Variants in HIVEP3 observed in about 807,000 individuals in gnomAD.
HIVEP3 encodes transcription factor HIVEP3.
A neutral mutation model predicts 152.8 loss-of-function variants in HIVEP3; 49 were observed. The observed-to-expected ratio is 0.32, with a 90% CI of 0.26 to 0.41. The LOEUF is 0.41. Among genes scored for constraint, HIVEP3 ranks in the 10% least tolerant of loss-of-function variants. The pLI is 1.00. For missense variants in HIVEP3, 2,790 were observed against 3,103.3 expected, an observed-to-expected ratio of 0.90 and a Z score of 2.40; for synonymous variants, 1,269 against 1,289.0, an observed-to-expected ratio of 0.98 and a Z score of 0.33.
Position 41,583,202 on chromosome 1 carries a change from G to A in HIVEP3, c.1596C>T (p.Ala532=), listed in dbSNP as rs201377701. The change falls in exon 4 of 9, where the codon GCC becomes GCT. Residue 532 remains alanine, a synonymous_variant. Transcript: ENST00000372583. This position sits in a 1 kb window ranked among gnomAD's most constrained non-coding sequence, Gnocchi z 6.9. The part of the protein sequence containing the change: ...LLSLQHPPST[A]PPVPLLRSHS... ...GGCTTCTCAGGAGAGGCACAGGGGG[G>A]GCGGTACTGGGCGGGTGCTGGAGGC... 121 of 1,610,602 alleles carry A rather than the reference G, an allele frequency of 7.5e-5. No individual in the cohort carries two copies. The highest frequency in any genetic ancestry group is 7.7e-5 in the Non-Finnish European group (91 of 1,178,424).
chr1:41,825,697 C>T (rs1250871197), intron 1 of HIVEP3, among the ~76,000 whole-genome samples: 3 of 152,000 alleles, frequency 2.0e-5, no homozygotes, highest in Non-Finnish European at 2.9e-5. Context: ...CCTTGACCAC[C>T]CCAGACTCAG....
chr1:41,920,029 C>A (rs1278154216), upstream of HIVEP3, among the ~76,000 whole-genome samples: 1 of 152,204 alleles, frequency 6.6e-6, no homozygotes, highest in Non-Finnish European at 1.5e-5. Flanking sequence ...CTTGCCTAGT[C>A]CTGCCAGGCA....
chr1:41,822,435 G>T (rs1016987410), intron 1 of HIVEP3, among the ~76,000 whole-genome samples: 8 of 152,192 alleles, frequency 5.3e-5, no homozygotes, highest in African/African-American at 1.7e-4. Context: ...ATGGATGGGG[G>T]AACTGTTGAC....
chr1:41,601,163 A>G (rs1364985649), intron 3 of HIVEP3, among the ~76,000 whole-genome samples: 3 of 152,084 alleles, frequency 2.0e-5, no homozygotes, highest in Admixed American at 6.5e-5. Context: ...GTAATTTTTT[A>G]TGCTTTGAAA....
chr1:41,738,959 C>T (rs1474465229), intron 1 of HIVEP3, among the ~76,000 whole-genome samples: 4 of 152,256 alleles, frequency 2.6e-5, no homozygotes, highest in African/African-American at 9.6e-5. Context: ...TAGACCACAA[C>T]ATTTCACGTA....
chr1:41,708,010 A>T (rs543682122), intron 1 of HIVEP3, among the ~76,000 whole-genome samples: 1 of 152,330 alleles, frequency 6.6e-6, no homozygotes, highest in Admixed American at 6.5e-5. Context: ...AGTTTCCTGT[A>T]GCTGATGAGC....
chr1:41,800,938 C>A (rs1303234462), intron 1 of HIVEP3, among the ~76,000 whole-genome samples: 1 of 152,226 alleles, frequency 6.6e-6, no homozygotes, highest in Admixed American at 6.5e-5. Flanking sequence ...CCCTCCCTCC[C>A]TTTCGTCTAC....
intron 2 of HIVEP3, among the ~76,000 whole-genome samples, chr1:41,665,603 TG>T (rs1326333677): frequency 6.7e-6 from 1 of 148,806 alleles, no homozygotes; most frequent in East Asian, 2.0e-4. Context: ...GCATACAAGA[TG>T]GAAAGATAAG....
chr1:41,613,885 A>G (rs1644930738), intron 3 of HIVEP3, among the ~76,000 whole-genome samples: 1 of 152,212 alleles, frequency 6.6e-6, no homozygotes, highest in Non-Finnish European at 1.5e-5. Flanking sequence ...CCTTATCTGG[A>G]CATTTCATAA....
chr1:41,694,097 C>T (rs531506544), intron 2 of HIVEP3, among the ~76,000 whole-genome samples: 9 of 152,064 alleles, frequency 5.9e-5, no homozygotes, highest in East Asian at 1.9e-4. Context: ...TTTGGGATTT[C>T]GAGATTCAAT....
intron 2 of HIVEP3, among the ~76,000 whole-genome samples, chr1:41,670,158 A>T (rs1019181801): frequency 6.6e-6 from 1 of 152,222 alleles, no homozygotes; most frequent in South Asian, 2.1e-4. Context: ...GAACGAATGC[A>T]TACCTCACAC....
At chr1:41,885,218 T>A (rs1644326069) in intron 1 of HIVEP3, among the ~76,000 whole-genome samples, 2 of 152,170 alleles carry the variant, frequency 1.3e-5, no homozygotes, top group African/African-American at 4.8e-5. Context: ...TTCTGACCAC[T>A]CAAAGTACCC....
Position 41,584,447 on chromosome 1 carries a change from G to A in HIVEP3, c.351C>T (p.Ser117=). 2 of 1,614,164 alleles carry A rather than the reference G, an allele frequency of 1.2e-6. No homozygotes were observed. Among genetic ancestry groups the A allele is most frequent in the South Asian group, 1.1e-5 (1 of 91,086 alleles). The change falls in exon 4 of 9, where the codon TCC becomes TCT. Residue 117 remains serine, a synonymous_variant. Transcript: ENST00000372583. This position sits in a 1 kb window ranked among gnomAD's most constrained non-coding sequence, Gnocchi z 5.2. ...PGKPEHLLEG[S]TWQLVDPMRP... Reference sequence around the variant, plus strand: ...TCATGGGGTCAACCAGTTGCCATGTGGACCCCTCCAGGAGATGCTCAGGTT... The same window carrying A: ...TCATGGGGTCAACCAGTTGCCATGTAGACCCCTCCAGGAGATGCTCAGGTT...
chr1:41,631,045 C>T (rs899427797), intron 2 of HIVEP3, among the ~76,000 whole-genome samples: 18 of 152,174 alleles, frequency 1.2e-4, no homozygotes, highest in Admixed American at 1.2e-3. Flanking sequence ...AACTGACTTG[C>T]CAGGCTGTTG....
At chr1:41,944,873 C>T (rs1316700330) in intron 1 of HIVEP3, among the ~76,000 whole-genome samples, 1 of 152,130 alleles carries the variant, frequency 6.6e-6, no homozygotes, top group South Asian at 2.1e-4. Flanking sequence ...GGCAAAAACA[C>T]CCTGAAGATA....
rs757827456 is a variant in HIVEP3, at chr1:41,513,458, A to C, written c.5763T>G (p.Ala1921=). The part of the protein sequence containing the change: ...EATRGSSVSE[A]ERLTASSCSM... ...AGCAGCTGCTGGCTGTCAGGCGCTCAGCTTCCGAGACCGAGCTGCCTCGTG... is the reference window on the plus strand; with the variant it reads ...AGCAGCTGCTGGCTGTCAGGCGCTCCGCTTCCGAGACCGAGCTGCCTCGTG... Residue 1921 remains alanine (A), a synonymous_variant, in exon 8 of 9, where the codon GCT becomes GCG. Coordinates refer to ENST00000372583, the MANE Select transcript of HIVEP3 (RefSeq NM_024503.5). 7 of 1,611,450 alleles carry C rather than the reference A, an allele frequency of 4.3e-6. No individual in the cohort carries two copies. The highest frequency in any genetic ancestry group is 5.9e-6 in the Non-Finnish European group (7 of 1,179,598).
intron 1 of HIVEP3, among the ~76,000 whole-genome samples, chr1:41,714,868 G>T (rs946754956): frequency 2.0e-5 from 3 of 152,094 alleles, no homozygotes; most frequent in East Asian, 3.9e-4. Flanking sequence ...CAATTTTAAG[G>T]GTGTGTGTGT....
intron 5 of HIVEP3, among the ~76,000 whole-genome samples, chr1:41,529,392 A>T (rs1436371797): frequency 1.1e-5 from 1 of 94,690 alleles, no homozygotes; most frequent in East Asian, 3.4e-4. Flanking sequence ...CTCACCCTCC[A>T]CACACATGCT....
chr1:41,912,422 G>A (rs563002861), intron 1 of HIVEP3, among the ~76,000 whole-genome samples: 218 of 152,280 alleles, frequency 1.4e-3, no homozygotes, highest in African/African-American at 5.0e-3. Context: ...AATTGCTGCA[G>A]TTCCTGCCAT....
Sources: gnomAD v4.1 joint callset for allele counts (sites outside exome capture counted in the v4.1 genomes callset) on GRCh38, gnomAD v4.1.1 for gene constraint, Gnocchi (gnomAD v3.1) non-coding constraint, MANE v1.5 for transcripts, NCBI Gene and HGNC (gene_info 2026-07-23, HGNC 2026-07-21) for gene names.